CEP350: variants seen among roughly 807,000 people sequenced by gnomAD.
CEP350 encodes centrosomal protein 350.
In CEP350, 126 loss-of-function variants were observed where a neutral mutation model predicts 331.8. That is an observed-to-expected ratio of 0.38 (90% CI 0.33 to 0.44). The LOEUF is 0.44. CEP350 is among the 20% of genes least tolerant of loss of function. CEP350 has a pLI of 1.00. For synonymous variants in CEP350, 1,200 were observed against 1,259.5 expected (o/e 0.95, Z 1.00); for missense variants, 3,406 against 3,634.6 (o/e 0.94, Z 1.62).
At chr1:180,039,240 C>T (rs1656584014) in intron 17 of CEP350, among the ~76,000 whole-genome samples, 1 of 113,270 alleles carries the variant, frequency 8.8e-6, no homozygotes, top group Non-Finnish European at 1.7e-5. Context: ...AGAGTGAAAC[C>T]CTGTCTCAAA....
At chr1:179,958,337 G>C (rs73039990) in intron 1 of CEP350, among the ~76,000 whole-genome samples, 21,408 of 151,878 alleles carry the variant, frequency 0.14, 1,592 homozygotes, top group African/African-American at 0.17. Context: ...TAAAATTTAT[G>C]TTACATAAAT....
chr1:180,014,108 A>G lies in CEP350; in HGVS notation c.1655A>G (p.Gln552Arg), dbSNP rs777557163. ...GCAAAGCAAGATACTGTAGAGTTAC[A>G]GAACCAGAAGTCATCAGCACCAGTA... ...HTAKQDTVELQNQKSSAPVHA... is the reference protein window; with the variant it reads ...HTAKQDTVELRNQKSSAPVHA... Residue 552 changes from glutamine (Q) to arginine (R), a missense_variant, in exon 10 of 38, where the codon CAG (glutamine) becomes CGG (arginine). Around this residue, in one of 5 missense-constraint regions of CEP350, gnomAD observed 1,857 missense variants for 1,909.2 expected, o/e 0.97. Coordinates refer to ENST00000367607, the MANE Select transcript of CEP350 (RefSeq NM_014810.5). 1 of 1,611,058 alleles carries G rather than the reference A, an allele frequency of 6.2e-7. No individual in the cohort carries two copies.
intron 3 of CEP350, among the ~76,000 whole-genome samples, chr1:179,989,951 G>A (rs765202460): frequency 3.3e-5 from 5 of 152,174 alleles, no homozygotes; most frequent in Admixed American, 6.5e-5. Flanking sequence ...CACTTTGGGA[G>A]GCTGAGGTGT....
intron 5 of CEP350, among the ~76,000 whole-genome samples, chr1:179,993,906 G>C (rs1653280578): frequency 6.6e-6 from 1 of 152,014 alleles, no homozygotes; most frequent in South Asian, 2.1e-4. Flanking sequence ...TCCCAACCTA[G>C]TTCATCATCC....
Position 180,003,408 on chromosome 1 carries a change from G to A in CEP350, c.1132+121G>A, listed in dbSNP as rs577967948. 4.4e-6 allele frequency: 3 copies of A among 684,800 alleles called. No homozygotes were observed. The African/African-American group carries it at 5.4e-5, about 12-fold the overall frequency. The allele number at this position is 684,800 out of a possible 1,614,324, so 42.4% of individuals were successfully genotyped here. A position where few individuals can be genotyped will look rare whatever the true frequency, so the allele number is the denominator to read the frequency against. On this transcript the variant is annotated intron_variant, in intron 7 of 37. Transcript: ENST00000367607. Reference sequence around the variant, plus strand: ...TTTTCCTTCTCTAACTGCATGGCATGCTGAAGTTGTGGTGGTTTGAGGCAT... The same window carrying A: ...TTTTCCTTCTCTAACTGCATGGCATACTGAAGTTGTGGTGGTTTGAGGCAT...
Position 180,014,157 on chromosome 1 carries a change from A to G in CEP350, c.1704A>G (p.Pro568=). 6.2e-7 allele frequency: 1 copy of G among 1,608,622 alleles called. No individual in the cohort carries two copies. The change falls in exon 10 of 38, where the codon CCA becomes CCG. Residue 568 remains proline (P), a synonymous_variant. Coordinates refer to ENST00000367607, the MANE Select transcript of CEP350 (RefSeq NM_014810.5). ...APVHAPRSHS[P]VKRKPDKITA... is the part of the protein sequence containing the mutation. The stretch of plus-strand genomic sequence containing the variant: ...TACATGCTCCTAGGAGTCACAGCCC[A>G]GTAAAAAGAAAACCTGACAAAATAA...
Position 179,996,941 on chromosome 1 carries a change from A to G in CEP350, c.784A>G (p.Thr262Ala), listed in dbSNP as rs752241431. Residue 262 changes from threonine (T) to alanine (A), a missense_variant, in exon 6 of 38, where the codon ACT (threonine) becomes GCT (alanine). Physicochemically the swap from Thr to Ala is moderately conservative, Grantham distance 58 (BLOSUM62 0). This residue lies in a region of CEP350 where 1,857 missense variants were observed against 1,909.2 expected (regional missense o/e 0.97). Coordinates refer to ENST00000367607, the MANE Select transcript of CEP350 (RefSeq NM_014810.5). ...LRLTDSSPSS[T>A]STSNSQRLDI... is the part of the protein sequence containing the mutation. ...ACTAACTGACTCTTCTCCATCCTCT[A>G]CTAGTACTTCTAATTCCCAAAGATT... 7 of 1,613,944 alleles carry G rather than the reference A, an allele frequency of 4.3e-6. No individual in the cohort carries two copies. The highest frequency in any genetic ancestry group is 3.3e-5 in the Admixed American group (2 of 60,008).
At chr1:180,029,697 G>A (rs4263962) in intron 14 of CEP350, among the ~76,000 whole-genome samples, 107,748 of 152,062 alleles carry the variant, frequency 0.71, 39,539 homozygotes, top group Admixed American at 0.79. Flanking sequence ...GAATTTAACC[G>A]TTTTCAACTG....
chr1:180,099,551 A>G lies in CEP350; in HGVS notation c.9189+566A>G, dbSNP rs561547224. 1.5e-4 allele frequency among the ~76,000 whole-genome samples: 23 copies of G among 152,258 alleles called. No homozygotes were observed. In the South Asian group the frequency reaches 4.8e-3, roughly 32 times the overall value. On this transcript the variant is annotated intron_variant, in intron 37 of 37. Transcript: ENST00000367607. ...TGCAATATATTTCTGTAACATTAGG[A>G]AAGTGTTTATCAAAAAAGAAAAAAA...
At chr1:179,985,244 C>A (rs908998973) in intron 1 of CEP350, among the ~76,000 whole-genome samples, 1 of 152,108 alleles carries the variant, frequency 6.6e-6, no homozygotes, top group Non-Finnish European at 1.5e-5. Context: ...TAAGTGGCAC[C>A]ATACAGTATT....
chr1:180,083,083 T>C (rs530257216), intron 30 of CEP350, among the ~76,000 whole-genome samples: 38 of 152,332 alleles, frequency 2.5e-4, no homozygotes, highest in African/African-American at 8.9e-4. Flanking sequence ...CATAACTAGC[T>C]CTTACACGGT....
At chr1:179,998,659 A>T (rs1485031057) in intron 6 of CEP350, among the ~76,000 whole-genome samples, 1 of 151,954 alleles carries the variant, frequency 6.6e-6, no homozygotes, top group Admixed American at 6.6e-5. Flanking sequence ...TTTTTATTGT[A>T]ATCAGTTTTG....
chr1:179,988,202 T>C (rs1296877234), intron 3 of CEP350, among the ~76,000 whole-genome samples: 1 of 150,264 alleles, frequency 6.7e-6, no homozygotes, highest in Non-Finnish European at 1.5e-5. Context: ...GAGGCTGAGG[T>C]GGGATGATTA....
intron 33 of CEP350, among the ~76,000 whole-genome samples, chr1:180,091,335 C>A (rs1186976467): frequency 6.6e-6 from 1 of 152,098 alleles, no homozygotes; most frequent in Non-Finnish European, 1.5e-5. Context: ...AGCCACCACA[C>A]TCAGCTGAAT....
intron 21 of CEP350, 84 bp from the exon 22 acceptor site, chr1:180,048,452 C>A: frequency 1.2e-6 from 1 of 837,642 alleles, no homozygotes; most frequent in Admixed American, 2.5e-5. Flanking sequence ...AAAGTACAGT[C>A]ATTTGGCCAA....
intron 8 of CEP350, among the ~76,000 whole-genome samples, chr1:180,008,775 G>A (rs1558096148): frequency 6.6e-6 from 1 of 152,150 alleles, no homozygotes; most frequent in Admixed American, 6.5e-5. Flanking sequence ...AGTATGATTA[G>A]TGCTGCGGTA....
rs572542812 is a variant in CEP350 at position 180,014,620 on chromosome 1, A to G, written c.2052+115A>G. The G allele has an allele frequency of 4.1e-5, 38 of 933,978 alleles. No homozygotes were observed. The African/African-American group carries it at 6.1e-4, about 15-fold the overall frequency. The allele number at this position is 933,978 out of a possible 1,614,324, so 57.9% of individuals were successfully genotyped here. On this transcript the variant is annotated intron_variant, in intron 10 of 37. Transcript: ENST00000367607. Reference sequence around the variant, plus strand: ...GTATGCTCAGATAATACTTATAATAATCATGGCCTTCATGAAATATATTAA... The same window carrying G: ...GTATGCTCAGATAATACTTATAATAGTCATGGCCTTCATGAAATATATTAA...
intron 22 of CEP350, among the ~76,000 whole-genome samples, chr1:180,049,909 C>T (rs917583520): frequency 1.3e-5 from 2 of 152,118 alleles, no homozygotes; most frequent in African/African-American, 2.4e-5. Context: ...AGACAGTGGG[C>T]CTCAGGCATT....
At chr1:180,085,037 T>C (rs977495039) in intron 31 of CEP350, among the ~76,000 whole-genome samples, 2 of 150,802 alleles carry the variant, frequency 1.3e-5, no homozygotes, top group African/African-American at 2.4e-5. Context: ...CCCCCTTTCC[T>C]CTTTCCTCTT....
Sources: gnomAD v4.1 joint callset for allele counts (sites outside exome capture counted in the v4.1 genomes callset) on GRCh38, gnomAD v4.1.1 for gene constraint, gnomAD v4.1.1 regional missense constraint, MANE v1.5 for transcripts, NCBI Gene and HGNC (gene_info 2026-07-23, HGNC 2026-07-21) for gene names.